The following ACAT1 variants were observed in gnomAD, a reference collection of about 807,000 sequenced individuals.
ACAT1 encodes the protein acetyl-CoA acetyltransferase 1, also known as acetyl-CoA acetyltransferase, mitochondrial.
A neutral mutation model predicts 47.3 loss-of-function variants in ACAT1; 28 were observed. The ratio of observed to expected loss-of-function variants is 0.59; its 90% CI spans 0.44 to 0.81. The LOEUF is 0.81. Ranked by LOEUF, ACAT1 falls within the 30% of genes least tolerant of loss-of-function variation. The probability of loss-of-function intolerance (pLI) is 0.00; values close to 1 mark genes in which losing one functional copy is unlikely to be tolerated. For missense variants in ACAT1, 469 were observed against 524.3 expected, an observed-to-expected ratio of 0.89 and a Z score of 1.03; for synonymous variants, 181 against 173.6, an observed-to-expected ratio of 1.04 and a Z score of -0.34.
At chr11:108,121,541 G>A (rs1591350019), upstream of ACAT1, 2 of 1,506,892 alleles carry the variant, frequency 1.3e-6, no homozygotes, top group Admixed American at 2.0e-5. Context: ...GGCCGCTAGG[G>A]GTGCGGGGTT....
chr11:108,122,489 G>A (rs1305035922), intron 1 of ACAT1, among the ~76,000 whole-genome samples: 1 of 152,232 alleles, frequency 6.6e-6, no homozygotes. Flanking sequence ...TTGTGAGTAT[G>A]GACTTGACCC....
chr11:108,121,996 G>C (rs2077159379), intron 1 of ACAT1: 1 of 478,708 alleles, frequency 2.1e-6, no homozygotes, highest in Non-Finnish European at 3.8e-6. Flanking sequence ...GGCCTGAGCG[G>C]TGGGATCGGG....
intron 1 of ACAT1, among the ~76,000 whole-genome samples, chr11:108,122,605 G>A (rs1194246270): frequency 6.6e-6 from 1 of 152,204 alleles, no homozygotes; most frequent in Non-Finnish European, 1.5e-5. Flanking sequence ...GGGTGCTGGC[G>A]GTAGGAGCTT....
chr11:108,142,592 T>G, intron 9 of ACAT1, 42 bp downstream of exon 9: 1 of 1,508,024 alleles, frequency 6.6e-7, no homozygotes, highest in Non-Finnish European at 9.2e-7. Context: ...ATCCCAGCAC[T>G]TTCGGAGGTT....
At chr11:108,131,783 A>G (rs1041902862) in intron 1 of ACAT1, 124 bp from the exon 2 acceptor site, 7 of 389,388 alleles carry the variant, frequency 1.8e-5, no homozygotes, top group Admixed American at 8.8e-5. Context: ...TCTGACCACA[A>G]AAAACTTGGA....
At chr11:108,143,785 C>T in intron 9 of ACAT1, 198 bp from the exon 10 acceptor site, 2 of 155,502 alleles carry the variant, frequency 1.3e-5, no homozygotes, top group South Asian at 1.8e-4. Context: ...CCCCAAACTC[C>T]CCCCCAATGA....
intron 1 of ACAT1, among the ~76,000 whole-genome samples, chr11:108,125,238 G>A (rs2077226338): frequency 6.6e-6 from 1 of 152,200 alleles, no homozygotes; most frequent in Non-Finnish European, 1.5e-5. Context: ...GCTGACCTCT[G>A]CCTGGCATGG....
At chr11:108,125,619 G>A (rs2077232695) in intron 1 of ACAT1, among the ~76,000 whole-genome samples, 1 of 152,188 alleles carries the variant, frequency 6.6e-6, no homozygotes, top group Admixed American at 6.5e-5. Context: ...CTCTGGGAAT[G>A]TGTCATTAGA....
At chr11:108,143,668 C>T (rs2077637333) in intron 9 of ACAT1, 1 of 240,392 alleles carries the variant, frequency 4.2e-6, no homozygotes, top group Non-Finnish European at 8.1e-6. Context: ...CTGTTCTATG[C>T]ATTGTAGATG....
At chr11:108,128,714 G>A (rs2077296933) in intron 1 of ACAT1, 1 of 152,216 alleles carries the variant, frequency 6.6e-6, no homozygotes, top group African/African-American at 2.4e-5. Context: ...TGATGTAGAG[G>A]AGAAGGAAGG....
upstream of ACAT1, among the ~76,000 whole-genome samples, chr11:108,117,346 C>T (rs536056779): frequency 5.2e-4 from 78 of 150,036 alleles, no homozygotes; most frequent in African/African-American, 1.8e-3. Flanking sequence ...TTTGCTCTGT[C>T]GCCCAGGCTG....
intron 1 of ACAT1, among the ~76,000 whole-genome samples, chr11:108,125,500 G>A (rs2135299501): frequency 6.6e-6 from 1 of 152,302 alleles, no homozygotes; most frequent in African/African-American, 2.4e-5. Flanking sequence ...ACAAAGATGT[G>A]AACCACATAC....
chr11:108,124,713 C>T (rs2077217915), intron 1 of ACAT1, among the ~76,000 whole-genome samples: 1 of 152,150 alleles, frequency 6.6e-6, no homozygotes, highest in Admixed American at 6.5e-5. Flanking sequence ...TCTGCTGGGC[C>T]CTACTTAGTT....
chr11:108,132,055 G>C, intron 2 of ACAT1, 101 bp downstream of exon 2: 1 of 744,820 alleles, frequency 1.3e-6, no homozygotes, highest in East Asian at 2.8e-5. Flanking sequence ...AGTCAAAGCA[G>C]GATTATGTAA....
At chr11:108,121,032 C>A (rs1171445128), upstream of ACAT1, among the ~76,000 whole-genome samples, 1 of 152,138 alleles carries the variant, frequency 6.6e-6, no homozygotes, top group Non-Finnish European at 1.5e-5. Flanking sequence ...GAAACCCCGT[C>A]TCCACAAAAA....
chr11:108,146,135 G>A, intron 10 of ACAT1, 67 bp from the exon 11 acceptor site: 1 of 1,318,312 alleles, frequency 7.6e-7, no homozygotes, highest in South Asian at 1.2e-5. Flanking sequence ...AGTATTTCAA[G>A]GAAATGATGA....
At chr11:108,141,125 A>T (rs1037917468) in intron 7 of ACAT1, among the ~76,000 whole-genome samples, 6 of 151,860 alleles carry the variant, frequency 4.0e-5, no homozygotes, top group African/African-American at 1.2e-4. Context: ...CTACTAGGGA[A>T]TCCAAGGCAG....
rs2134798301 is a variant in ACAT1 at position 108,147,345 on chromosome 11, C to T, written c.1239C>T (p.Cys413=). 2 of 1,613,836 alleles carry T rather than the reference C, an allele frequency of 1.2e-6. No homozygotes were observed. Among genetic ancestry groups the T allele is most frequent in the Middle Eastern group, 1.7e-4 (1 of 6,060 alleles). Residue 413 remains cysteine, a synonymous_variant, in exon 12 of 12, where the codon TGC becomes TGT. Transcript: ENST00000265838. ...KQGEYGLASI[C]NGGGGASAML... Reference sequence around the variant, plus strand: ...GAGAATACGGTCTTGCCAGTATTTGCAATGGAGGAGGAGGTGCTTCTGCCA... The same window carrying T: ...GAGAATACGGTCTTGCCAGTATTTGTAATGGAGGAGGAGGTGCTTCTGCCA...
At chr11:108,139,094 T>C (rs1399572727) in intron 6 of ACAT1, 53 bp downstream of exon 6, 1 of 1,602,494 alleles carries the variant, frequency 6.2e-7, no homozygotes, top group East Asian at 2.2e-5. Flanking sequence ...TACTGTTTGA[T>C]TTTTCTTACT....
Sources: allele counts gnomAD v4.1 joint callset (sites outside exome capture counted in the v4.1 genomes callset), GRCh38; gene constraint gnomAD v4.1.1; transcripts MANE v1.5; gene names NCBI Gene and HGNC (gene_info 2026-07-23, HGNC 2026-07-21).